Variants in CERS3 observed in about 807,000 individuals in gnomAD.
The protein encoded by CERS3 is ceramide synthase 3.
Under a neutral mutation model 50.3 loss-of-function variants are expected in CERS3, and 33 were observed. The ratio of observed to expected loss-of-function variants is 0.66; its 90% CI spans 0.50 to 0.88. The LOEUF (loss-of-function observed/expected upper bound fraction) is 0.88, where lower values mean the gene tolerates loss of function less well. CERS3 is among the 40% of genes least tolerant of loss of function. CERS3 has a pLI of 0.00. For missense variants in CERS3, 470 were observed against 460.3 expected, an observed-to-expected ratio of 1.02 and a Z score of -0.19; for synonymous variants, 176 against 155.2, an observed-to-expected ratio of 1.13 and a Z score of -0.99.
At chr15:100,410,232 G>C (rs2031373914) in intron 11 of CERS3, among the ~76,000 whole-genome samples, 1 of 152,190 alleles carries the variant, frequency 6.6e-6, no homozygotes, top group Non-Finnish European at 1.5e-5. Flanking sequence ...AAAAGAATGA[G>C]AGACAAGTTC....
intron 2 of CERS3, among the ~76,000 whole-genome samples, chr15:100,513,119 C>T (rs2036393947): frequency 6.6e-6 from 1 of 152,196 alleles, no homozygotes; most frequent in Non-Finnish European, 1.5e-5. Flanking sequence ...TCATGGTCTT[C>T]CCTTCAAGAT....
chr15:100,459,159 A>G (rs1421084945), intron 10 of CERS3, among the ~76,000 whole-genome samples: 2 of 152,226 alleles, frequency 1.3e-5, no homozygotes, highest in African/African-American at 4.8e-5. Context: ...AACCCCTACT[A>G]TGTATCACCA....
intron 3 of CERS3, among the ~76,000 whole-genome samples, chr15:100,493,553 AGCTTTTTGGATAT>A (rs796680242): frequency 3.3e-5 from 5 of 152,284 alleles, no homozygotes; most frequent in African/African-American, 7.2e-5. Context: ...GAGTTTGTTT[AGCTTTTTGGATAT>A]GCAGATTCAG....
At chr15:100,494,260 T>C (rs1285822591) in intron 3 of CERS3, among the ~76,000 whole-genome samples, 1 of 12,674 alleles carries the variant, frequency 7.9e-5, no homozygotes, top group Non-Finnish European at 5.8e-4. Context: ...TATATATATT[T>C]GTTTTGAGAT....
intron 11 of CERS3, among the ~76,000 whole-genome samples, chr15:100,409,433 A>C (rs2031304505): frequency 1.7e-5 from 2 of 116,872 alleles, no homozygotes; most frequent in African/African-American, 6.3e-5. Flanking sequence ...TAATCAGCTG[A>C]AATCAAAAGA....
chr15:100,420,460 T>A (rs1329654039), intron 11 of CERS3, among the ~76,000 whole-genome samples: 3 of 152,062 alleles, frequency 2.0e-5, no homozygotes, highest in Non-Finnish European at 4.4e-5. Context: ...AACCAAAAAG[T>A]GTCCAGGACC....
In CERS3 at chr15:100,456,022, C is replaced by A. The variant is rs2034361553; in HGVS notation, c.870G>T (p.Leu290Phe). 2 of 1,611,266 alleles carry A rather than the reference C, an allele frequency of 1.2e-6. No homozygotes were observed. Among genetic ancestry groups the A allele is most frequent in the Non-Finnish European group, 1.7e-6 (2 of 1,178,642 alleles). ...PFWILYCTLILPMYHLEPFFS... is the reference protein window; with the variant it reads ...PFWILYCTLIFPMYHLEPFFS... ...AGAAAGGCTCGAGGTGATACATAGGCAAGATCAGCGTGCAATATAAAATCC... is the reference window on the plus strand; with the variant it reads ...AGAAAGGCTCGAGGTGATACATAGGAAAGATCAGCGTGCAATATAAAATCC... The change falls in exon 11 of 12, where the codon TTG (leucine) becomes TTT (phenylalanine). Residue 290 changes from leucine (L) to phenylalanine (F), a missense_variant. Coordinates refer to ENST00000679737, the MANE Select transcript of CERS3 (RefSeq NM_001378789.1).
Position 100,441,178 on chromosome 15 carries a change from C to T in CERS3, c.999+14715G>A, listed in dbSNP as rs976196694. Among the ~76,000 whole-genome samples, 66 of 151,238 alleles carry T rather than the reference C, an allele frequency of 4.4e-4. 2 individuals carry two copies. The highest frequency in any genetic ancestry group is 4.2e-3 in the Admixed American group (63 of 15,170). ...TCTGTGCCTCAATCTCTTATTTCTGCACCCCGACCTCTTATCTCTGCGCCC... is the reference window on the plus strand; with the variant it reads ...TCTGTGCCTCAATCTCTTATTTCTGTACCCCGACCTCTTATCTCTGCGCCC... On this transcript the variant is annotated intron_variant, in intron 11 of 11. Transcript: ENST00000679737.
intron 11 of CERS3, among the ~76,000 whole-genome samples, chr15:100,428,305 G>A (rs987509081): frequency 6.6e-6 from 1 of 152,208 alleles, no homozygotes. Context: ...GGAATCATGT[G>A]TTTGGCTGTT....
chr15:100,461,085 C>T (rs1304947021), intron 10 of CERS3, among the ~76,000 whole-genome samples: 3 of 152,066 alleles, frequency 2.0e-5, no homozygotes, highest in African/African-American at 7.2e-5. Flanking sequence ...GGAGGTGTGG[C>T]CTTCATTGTG....
chr15:100,524,683 A>G (rs2036735699), intron 1 of CERS3, among the ~76,000 whole-genome samples: 1 of 152,260 alleles, frequency 6.6e-6, no homozygotes. Flanking sequence ...ATGTCAAACA[A>G]GAAAACAAAC....
Position 100,527,888 on chromosome 15 carries a change from T to TCTC in CERS3, c.-92+924_-92+925insGAG, listed in dbSNP as rs1555536331. Among the ~76,000 whole-genome samples, 264 of 151,774 alleles carry TCTC rather than the reference T, an allele frequency of 1.7e-3. 1 individual carries two copies. Among genetic ancestry groups the TCTC allele is most frequent in the African/African-American group, 6.2e-3 (256 of 41,378 alleles). On this transcript the variant is annotated intron_variant, in intron 1 of 11. Transcript: ENST00000679737. Reference sequence around the variant, plus strand: ...ATACATATTTTCTCTTTAAAGAACTTTTTATCCAGAAATTCTACTGAAGAA... The same window carrying TCTC: ...ATACATATTTTCTCTTTAAAGAACTTCTCTTTATCCAGAAATTCTACTGAAGAA...
chr15:100,488,642 C>T (rs2035555060), intron 4 of CERS3, among the ~76,000 whole-genome samples: 1 of 152,094 alleles, frequency 6.6e-6, no homozygotes, highest in African/African-American at 2.4e-5. Context: ...TTTTGCTGGC[C>T]AAATTATTGT....
At chr15:100,490,374 C>T (rs181191732) in intron 4 of CERS3, among the ~76,000 whole-genome samples, 1 of 152,172 alleles carries the variant, frequency 6.6e-6, no homozygotes, top group African/African-American at 2.4e-5. Flanking sequence ...AATAACAGTC[C>T]TACTCATGAA....
At chr15:100,490,584 T>C (rs2035620235) in intron 4 of CERS3, among the ~76,000 whole-genome samples, 1 of 152,226 alleles carries the variant, frequency 6.6e-6, no homozygotes, top group African/African-American at 2.4e-5. Flanking sequence ...CTCTACACTA[T>C]AGTTAAATAC....
chr15:100,430,205 G>A (rs1257784518), intron 11 of CERS3, among the ~76,000 whole-genome samples: 3 of 151,910 alleles, frequency 2.0e-5, no homozygotes, highest in South Asian at 2.1e-4. Context: ...CCAGGTACTC[G>A]GGAGGCTGAG....
chr15:100,468,421 G>T (rs76934387), intron 10 of CERS3, among the ~76,000 whole-genome samples: 8,543 of 152,142 alleles, frequency 0.056, 637 homozygotes, highest in African/African-American at 0.16. Context: ...AGAAAATGCC[G>T]AATACACATG....
rs1030461861 is a variant in CERS3, at chr15:100,418,265, C to T, written c.1000-15400G>A. 5.2e-4 allele frequency among the ~76,000 whole-genome samples: 79 copies of T among 151,980 alleles called. 1 individual carries two copies. Among genetic ancestry groups the T allele is most frequent in the African/African-American group, 1.6e-3 (66 of 41,346 alleles). On this transcript the variant is annotated intron_variant, in intron 11 of 11. Coordinates refer to ENST00000679737, the MANE Select transcript of CERS3 (RefSeq NM_001378789.1). ...GCTGATGGAGCTGAAAACCAAGGCCCGAGAACTACGTGAAGAATGCAGAAG... is the reference window on the plus strand; with the variant it reads ...GCTGATGGAGCTGAAAACCAAGGCCTGAGAACTACGTGAAGAATGCAGAAG...
chr15:100,508,699 G>C (rs144619330), intron 2 of CERS3, among the ~76,000 whole-genome samples: 1 of 152,138 alleles, frequency 6.6e-6, no homozygotes, highest in East Asian at 1.9e-4. Context: ...CCCAATTCTA[G>C]CAATTTCTGG....
Sources: gnomAD v4.1 joint callset for allele counts (sites outside exome capture counted in the v4.1 genomes callset) on GRCh38, gnomAD v4.1.1 for gene constraint, MANE v1.5 for transcripts, NCBI Gene and HGNC (gene_info 2026-07-23, HGNC 2026-07-21) for gene names.